Variants in LHFPL2 observed in about 807,000 individuals in gnomAD.
The protein encoded by LHFPL2 is LHFPL tetraspan subfamily member 2 protein.
Under a neutral mutation model 17.5 loss-of-function variants are expected in LHFPL2, and 7 were observed. The ratio of observed to expected loss-of-function variants is 0.40; its 90% CI spans 0.23 to 0.75. The LOEUF (loss-of-function observed/expected upper bound fraction) is 0.75. LHFPL2 is among the 30% of genes least tolerant of loss of function. The probability of loss-of-function intolerance (pLI) is 0.37; values close to 1 mark genes in which losing one functional copy is unlikely to be tolerated. For missense variants in LHFPL2, 241 were observed against 294.8 expected, an observed-to-expected ratio of 0.82 and a Z score of 1.34; for synonymous variants, 134 against 116.2, an observed-to-expected ratio of 1.15 and a Z score of -0.99.
chr5:78,605,755 A>G (rs74646357), intron 2 of LHFPL2, among the ~76,000 whole-genome samples: 1 of 152,144 alleles, frequency 6.6e-6, no homozygotes, highest in African/African-American at 2.4e-5. Context: ...TTTTGGATTA[A>G]TCATCTCTCC....
intron 4 of LHFPL2, among the ~76,000 whole-genome samples, chr5:78,504,777 G>A (rs772913561): frequency 2.0e-5 from 3 of 152,108 alleles, no homozygotes; most frequent in South Asian, 2.1e-4. Context: ...CACTGCCAGC[G>A]CCATTCCCAC....
chr5:78,548,025 G>C (rs755842746), intron 3 of LHFPL2, among the ~76,000 whole-genome samples: 1 of 152,274 alleles, frequency 6.6e-6, no homozygotes, highest in African/African-American at 2.4e-5. Context: ...GCACTCGGGA[G>C]GATCCCGAGG....
chr5:78,633,575 A>G (rs1745327464), intron 1 of LHFPL2, among the ~76,000 whole-genome samples: 2 of 152,318 alleles, frequency 1.3e-5, no homozygotes, highest in Admixed American at 6.5e-5. Flanking sequence ...GAGTACAGAG[A>G]TGGCCCAGCC....
chr5:78,546,808 G>A (rs1393718557), intron 3 of LHFPL2, among the ~76,000 whole-genome samples: 1 of 152,196 alleles, frequency 6.6e-6, no homozygotes, highest in Non-Finnish European at 1.5e-5. Context: ...GCTTCCAAAT[G>A]TCTGTGGATT....
At chr5:78,509,618 G>A (rs1485656064) in intron 4 of LHFPL2, among the ~76,000 whole-genome samples, 166 bp downstream of exon 4, 3 of 152,186 alleles carry the variant, frequency 2.0e-5, no homozygotes, top group South Asian at 4.1e-4. Flanking sequence ...ACCCATGCGA[G>A]CAGCACACAA....
At chr5:78,623,434 T>C (rs114638888) in intron 2 of LHFPL2, among the ~76,000 whole-genome samples, 2,022 of 152,330 alleles carry the variant, frequency 0.013, 43 homozygotes, top group African/African-American at 0.044. Flanking sequence ...TCTGCCACTA[T>C]GGTTATAGAC....
chr5:78,606,052 C>T (rs1744202110), intron 2 of LHFPL2, among the ~76,000 whole-genome samples: 1 of 152,188 alleles, frequency 6.6e-6, no homozygotes, highest in Non-Finnish European at 1.5e-5. Flanking sequence ...TGCTCCTATG[C>T]AGAGCTCAAT....
intron 2 of LHFPL2, among the ~76,000 whole-genome samples, chr5:78,602,886 G>A (rs1323457237): frequency 6.7e-6 from 1 of 148,162 alleles, no homozygotes; most frequent in African/African-American, 2.6e-5. Flanking sequence ...GTTTTGTTTT[G>A]TTTTGTTTTG....
rs565082071 is a variant in LHFPL2 at position 78,620,784 on chromosome 5, C to T, written c.-245+11480G>A. Among the ~76,000 whole-genome samples the T allele has an allele frequency of 2.4e-4, 36 of 152,280 alleles. 1 individual carries two copies. The South Asian group carries it at 6.6e-3, about 28-fold the overall frequency. ...CTGAGAAACCCTGTGCTGGGGCGCC[C>T]GCTCTAATGGAGCCGACTGCCAAGC... On this transcript the variant is annotated intron_variant, in intron 2 of 4. Transcript: ENST00000380345.
chr5:78,510,434 G>GGCCCC (rs1554051430), intron 3 of LHFPL2, 36 bp from the exon 4 acceptor site: 8 of 522,530 alleles, frequency 1.5e-5, no homozygotes, highest in Non-Finnish European at 6.7e-6. Flanking sequence ...AGCGCCGCCA[G>GGCCCC]GCCCCGCCCC....
intron 3 of LHFPL2, among the ~76,000 whole-genome samples, chr5:78,562,294 C>T (rs1214794336): frequency 6.6e-6 from 1 of 152,130 alleles, no homozygotes; most frequent in Non-Finnish European, 1.5e-5. Flanking sequence ...GCCAGGGTCC[C>T]AATCCAGGTC....
At chr5:78,489,270 G>A (rs1026661299) in intron 4 of LHFPL2, 117 bp from the exon 5 acceptor site, 2 of 1,130,924 alleles carry the variant, frequency 1.8e-6, no homozygotes, top group African/African-American at 1.5e-5. Flanking sequence ...TTCTGCAATA[G>A]AAAGTGTTGG....
chr5:78,626,330 C>T (rs1407560449), intron 2 of LHFPL2: 1 of 152,234 alleles, frequency 6.6e-6, no homozygotes, highest in African/African-American at 2.4e-5. Flanking sequence ...GGGAAAAAAG[C>T]TTTTAAGAGG....
intron 4 of LHFPL2, among the ~76,000 whole-genome samples, chr5:78,489,595 G>T (rs569199830): frequency 6.6e-6 from 1 of 152,214 alleles, no homozygotes; most frequent in South Asian, 2.1e-4. Flanking sequence ...ATGAGGTCTT[G>T]CTATGTTGCC....
chr5:78,564,431 G>A (rs939928246), intron 3 of LHFPL2, among the ~76,000 whole-genome samples: 5 of 151,766 alleles, frequency 3.3e-5, no homozygotes, highest in Non-Finnish European at 5.9e-5. Context: ...ATTTTTAATC[G>A]GCTATCTCTA....
chr5:78,535,385 C>G (rs1367913073), intron 3 of LHFPL2, among the ~76,000 whole-genome samples: 1 of 152,184 alleles, frequency 6.6e-6, no homozygotes, highest in Non-Finnish European at 1.5e-5. Flanking sequence ...CCCATCTCAC[C>G]CCCTGCTGCC....
chr5:78,507,012 C>G (rs1419610816), intron 4 of LHFPL2, among the ~76,000 whole-genome samples: 4 of 152,080 alleles, frequency 2.6e-5, no homozygotes, highest in African/African-American at 9.7e-5. Context: ...TCCAAGAGAC[C>G]TTGTGCAGAG....
intron 2 of LHFPL2, among the ~76,000 whole-genome samples, chr5:78,593,171 C>A (rs918132402): frequency 6.6e-6 from 1 of 152,102 alleles, no homozygotes; most frequent in African/African-American, 2.4e-5. Context: ...AAAGGAGATG[C>A]CAGCTGCTGC....
At chr5:78,495,175 T>A (rs1284594187) in intron 4 of LHFPL2, among the ~76,000 whole-genome samples, 1 of 152,210 alleles carries the variant, frequency 6.6e-6, no homozygotes, top group Non-Finnish European at 1.5e-5. Context: ...CATGTCAGTC[T>A]CACAGTGAGG....
Sources: allele counts gnomAD v4.1 joint callset (sites outside exome capture counted in the v4.1 genomes callset), GRCh38; gene constraint gnomAD v4.1.1; transcripts MANE v1.5; gene names NCBI Gene and HGNC (gene_info 2026-07-23, HGNC 2026-07-21).